Variants in DNAJC24 observed in about 807,000 individuals in gnomAD.
DNAJC24 encodes dnaJ homolog subfamily C member 24.
DNAJC24 carries 17 observed loss-of-function variants against 18.0 expected under a neutral mutation model. The ratio of observed to expected loss-of-function variants is 0.94; its 90% CI spans 0.65 to 1.42. DNAJC24 has a LOEUF of 1.42. Among genes scored for constraint, DNAJC24 ranks in the 40% most tolerant of loss-of-function variants. DNAJC24 has a pLI of 0.00. For missense variants in DNAJC24, 158 were observed against 175.6 expected (o/e 0.90, Z 0.57); for synonymous variants, 55 against 57.7 (o/e 0.95, Z 0.21).
At chr11:31,406,195 A>T (rs890099988) in intron 2 of DNAJC24, among the ~76,000 whole-genome samples, 1 of 151,764 alleles carries the variant, frequency 6.6e-6, no homozygotes, top group Non-Finnish European at 1.5e-5. Context: ...TTGAAGGGAG[A>T]TCATTGGGCT....
At chr11:31,396,348 A>C (rs1350457996) in intron 2 of DNAJC24, 4 of 451,304 alleles carry the variant, frequency 8.9e-6, no homozygotes, top group Non-Finnish European at 1.8e-5. Context: ...CTCTTCACTT[A>C]CAAGGAAATC....
intron 2 of DNAJC24, among the ~76,000 whole-genome samples, chr11:31,403,534 A>C (rs1322593711): frequency 3.3e-5 from 5 of 152,182 alleles, no homozygotes; most frequent in Non-Finnish European, 7.3e-5. Context: ...GCAGTTGTTT[A>C]AGGAAGCAGA....
chr11:31,397,266 G>C (rs1378100572), intron 2 of DNAJC24, among the ~76,000 whole-genome samples: 1 of 152,068 alleles, frequency 6.6e-6, no homozygotes, highest in Non-Finnish European at 1.5e-5. Flanking sequence ...AATTTTTTTT[G>C]ATGGATAAAC....
intron 3 of DNAJC24, among the ~76,000 whole-genome samples, chr11:31,423,017 C>T (rs1013684843): frequency 6.6e-6 from 1 of 152,144 alleles, no homozygotes; most frequent in Non-Finnish European, 1.5e-5. Context: ...TTAATCACCC[C>T]TAGCCTTTTT....
intron 3 of DNAJC24, among the ~76,000 whole-genome samples, chr11:31,425,441 A>G (rs1397444725): frequency 6.6e-6 from 1 of 152,198 alleles, no homozygotes; most frequent in Non-Finnish European, 1.5e-5. Context: ...ACTAGGTGGC[A>G]TAAACAAAAT....
intron 2 of DNAJC24, among the ~76,000 whole-genome samples, chr11:31,404,486 G>C (rs1047008620): frequency 2.0e-5 from 3 of 152,068 alleles, no homozygotes; most frequent in Non-Finnish European, 2.9e-5. Flanking sequence ...TTGCAAGCTG[G>C]GGGTGGAAAG....
chr11:31,386,506 G>A (rs1406390370), intron 2 of DNAJC24, among the ~76,000 whole-genome samples: 2 of 151,900 alleles, frequency 1.3e-5, no homozygotes, highest in Non-Finnish European at 2.9e-5. Context: ...GAGCCAGAGG[G>A]GAACCTTCTG....
At chr11:31,428,457 G>C (rs1317757814) in intron 4 of DNAJC24, among the ~76,000 whole-genome samples, 2 of 152,052 alleles carry the variant, frequency 1.3e-5, no homozygotes, top group Non-Finnish European at 2.9e-5. Context: ...GAGCAATTTT[G>C]GCAGATGAAA....
intron 1 of DNAJC24, among the ~76,000 whole-genome samples, chr11:31,370,174 A>T (rs1448488155): frequency 6.6e-6 from 1 of 152,148 alleles, no homozygotes; most frequent in Non-Finnish European, 1.5e-5. Flanking sequence ...CTCTCCAATA[A>T]CAGGGGACTC....
At chr11:31,371,681 T>G (rs1370033971) in intron 2 of DNAJC24, among the ~76,000 whole-genome samples, 2 of 151,992 alleles carry the variant, frequency 1.3e-5, no homozygotes. Context: ...ATGCATGTAT[T>G]TGCACATATC....
rs985093299 is a variant in DNAJC24 at position 31,429,575 on chromosome 11, C to T, written c.320-696C>T. 5 of 355,216 alleles carry T rather than the reference C, an allele frequency of 1.4e-5. No individual in the cohort carries two copies. The East Asian group carries it at 3.1e-4, about 22-fold the overall frequency. The allele number at this position is 355,216 out of a possible 1,614,324, so 22.0% of individuals were successfully genotyped here. A position where few individuals can be genotyped will look rare whatever the true frequency, so the allele number is the denominator to read the frequency against. ...GCATTTCAACTTCCCAGGAAAATGA[C>T]ACACTTAAAATTTCCACGATCAGGA... On this transcript the variant is annotated intron_variant, in intron 4 of 4. Coordinates refer to ENST00000465995, the MANE Select transcript of DNAJC24 (RefSeq NM_181706.5).
chr11:31,428,142 T>G (rs1952883039), intron 4 of DNAJC24, among the ~76,000 whole-genome samples: 1 of 151,928 alleles, frequency 6.6e-6, no homozygotes, highest in South Asian at 2.1e-4. Context: ...TGCTAACATA[T>G]GGAAGGAAAT....
intron 2 of DNAJC24, among the ~76,000 whole-genome samples, chr11:31,377,130 G>C (rs939121693): frequency 2.2e-4 from 34 of 152,106 alleles, no homozygotes; most frequent in African/African-American, 7.2e-4. Context: ...ATCTAATTTT[G>C]TAAAAAGGCA....
Position 31,406,051 on chromosome 11 carries a change from CAT to C in DNAJC24, c.112-8759_112-8758del, listed in dbSNP as rs147448360. ...CTGTCACAATGACAATGAAATTTAA[CAT>C]GAGTTTTGGATTGGGCACACGTTCA... is the stretch of plus-strand genomic sequence containing the variant. On this transcript the variant is annotated intron_variant, in intron 2 of 4. Transcript: ENST00000465995. Among the ~76,000 whole-genome samples, 1,321 of 152,276 alleles carry C rather than the reference CAT, an allele frequency of 8.7e-3. 21 individuals carry two copies. Among genetic ancestry groups the C allele is most frequent in the African/African-American group, 0.03 (1,249 of 41,550 alleles).
intron 3 of DNAJC24, among the ~76,000 whole-genome samples, chr11:31,417,542 CTT>C (rs1465323150): frequency 1.3e-5 from 2 of 151,934 alleles, no homozygotes; most frequent in Non-Finnish European, 2.9e-5. Flanking sequence ...TCAAAGCACT[CTT>C]TTTTTCTGGG....
chr11:31,416,627 G>A (rs1952753515), intron 3 of DNAJC24: 1 of 152,078 alleles, frequency 6.6e-6, no homozygotes, highest in Non-Finnish European at 1.5e-5. Flanking sequence ...TCCACAGCCT[G>A]TGTACTATTA....
intron 2 of DNAJC24, among the ~76,000 whole-genome samples, chr11:31,390,532 C>T (rs139798104): frequency 0.055 from 8,373 of 151,306 alleles, 316 homozygotes; most frequent in South Asian, 0.1. Flanking sequence ...ATAGTGAAAC[C>T]TTGTCTCTAC....
intron 2 of DNAJC24, among the ~76,000 whole-genome samples, chr11:31,380,622 T>C (rs899482848): frequency 6.6e-6 from 1 of 152,172 alleles, no homozygotes; most frequent in African/African-American, 2.4e-5. Flanking sequence ...TTTATTATGT[T>C]TCTTATTAGG....
chr11:31,384,633 C>G (rs925653659), intron 2 of DNAJC24: 3 of 151,970 alleles, frequency 2.0e-5, no homozygotes, highest in Admixed American at 2.0e-4. Context: ...CCCATGTGAA[C>G]TGATGACAGA....
Sources: allele counts gnomAD v4.1 joint callset (sites outside exome capture counted in the v4.1 genomes callset), GRCh38; gene constraint gnomAD v4.1.1; transcripts MANE v1.5; gene names NCBI Gene and HGNC (gene_info 2026-07-23, HGNC 2026-07-21).